LUZP2: variants seen among roughly 807,000 people sequenced by gnomAD.
The protein encoded by LUZP2 is leucine zipper protein 2.
Under a neutral mutation model 51.6 loss-of-function variants are expected in LUZP2, and 52 were observed. The ratio of observed to expected loss-of-function variants is 1.01; its 90% CI spans 0.81 to 1.27. The LOEUF (loss-of-function observed/expected upper bound fraction) is 1.27. Among genes scored for constraint, LUZP2 ranks in the 50% most tolerant of loss-of-function variants. LUZP2 has a pLI of 0.00. For missense variants in LUZP2, 436 were observed against 395.4 expected (o/e 1.10, Z -0.87); for synonymous variants, 154 against 137.3 (o/e 1.12, Z -0.85).
chr11:25,039,573 G>A lies in LUZP2; in HGVS notation c.766-10465G>A, dbSNP rs1439727150. On this transcript the variant is annotated intron_variant, in intron 9 of 11. Transcript: ENST00000336930. Reference sequence around the variant, plus strand: ...CTGCCGGAGCTGACCCATACTCAAAGGTACCCAAATCCATGTGTGCTGCAG... The same window carrying A: ...CTGCCGGAGCTGACCCATACTCAAAAGTACCCAAATCCATGTGTGCTGCAG... Among the ~76,000 whole-genome samples the A allele has an allele frequency of 2.6e-5, 4 of 152,240 alleles. No homozygotes were observed. The East Asian group carries it at 7.8e-4, about 30-fold the overall frequency.
intron 5 of LUZP2, among the ~76,000 whole-genome samples, chr11:24,870,287 A>G (rs542276885): frequency 2.0e-5 from 3 of 152,178 alleles, no homozygotes; most frequent in East Asian, 1.9e-4. Flanking sequence ...CAATCATACA[A>G]TTTTTGCCAG....
chr11:25,013,877 C>G (rs149445834), intron 9 of LUZP2, among the ~76,000 whole-genome samples: 1 of 151,954 alleles, frequency 6.6e-6, no homozygotes, highest in Admixed American at 6.6e-5. Context: ...TTAGGTATAT[C>G]TCCTAATGCT....
At chr11:24,921,218 G>A (rs1002022755) in intron 7 of LUZP2, among the ~76,000 whole-genome samples, 10 of 152,162 alleles carry the variant, frequency 6.6e-5, no homozygotes, top group South Asian at 2.1e-4. Context: ...AGGGAGGGGG[G>A]CTCGGAACAA....
intron 1 of LUZP2, among the ~76,000 whole-genome samples, chr11:24,533,666 A>G (rs993435345): frequency 6.0e-5 from 9 of 151,186 alleles, no homozygotes; most frequent in African/African-American, 1.9e-4. Flanking sequence ...TTATTCTCTT[A>G]GGGGCCTTTC....
chr11:24,609,729 CAAAAAAAAAA>C (rs34436907), intron 1 of LUZP2, among the ~76,000 whole-genome samples: 4 of 65,896 alleles, frequency 6.1e-5, no homozygotes, highest in Admixed American at 2.7e-4. Context: ...GACTCCAGCT[CAAAAAAAAAA>C]AAAAAAAAAA....
chr11:24,518,575 T>C (rs540934132), intron 1 of LUZP2, among the ~76,000 whole-genome samples: 1 of 152,222 alleles, frequency 6.6e-6, no homozygotes, highest in African/African-American at 2.4e-5. Context: ...AAATAGTTTT[T>C]AGAATGTTAA....
chr11:24,517,097 C>T (rs951564159), intron 1 of LUZP2, among the ~76,000 whole-genome samples: 2 of 152,000 alleles, frequency 1.3e-5, no homozygotes, highest in African/African-American at 2.4e-5. Context: ...TAAGTTGAAA[C>T]ATATGCATGA....
chr11:24,837,620 T>C (rs1388587669), intron 5 of LUZP2, among the ~76,000 whole-genome samples: 3 of 151,658 alleles, frequency 2.0e-5, no homozygotes, highest in African/African-American at 4.8e-5. Flanking sequence ...TTCTTTCACA[T>C]TGGATAGAAT....
intron 5 of LUZP2, among the ~76,000 whole-genome samples, chr11:24,836,601 G>A (rs1850866028): frequency 6.6e-6 from 1 of 151,746 alleles, no homozygotes; most frequent in Admixed American, 6.6e-5. Context: ...TTATCTCAAA[G>A]CTGCATAACT....
At chr11:24,513,748 A>G (rs7112207) in intron 1 of LUZP2, among the ~76,000 whole-genome samples, 13,808 of 152,244 alleles carry the variant, frequency 0.091, 917 homozygotes, top group African/African-American at 0.18. Context: ...TTAATACCAA[A>G]CAATCACTAA....
intron 1 of LUZP2, among the ~76,000 whole-genome samples, chr11:24,624,602 G>T (rs1332301180): frequency 6.6e-6 from 1 of 152,124 alleles, no homozygotes. Context: ...ATGGCGAGAG[G>T]TTATTATAGG....
chr11:24,926,409 G>A (rs1484369087), intron 7 of LUZP2, among the ~76,000 whole-genome samples: 2 of 120,676 alleles, frequency 1.7e-5, no homozygotes, highest in East Asian at 2.3e-4. Context: ...ATATATATAC[G>A]TGTGTATATA....
At chr11:24,839,201 A>G (rs1850950806) in intron 5 of LUZP2, among the ~76,000 whole-genome samples, 3 of 151,554 alleles carry the variant, frequency 2.0e-5, no homozygotes. Context: ...GTTGACCCCA[A>G]TTAGTCTAGG....
intron 1 of LUZP2, among the ~76,000 whole-genome samples, chr11:24,725,858 T>C (rs1858456252): frequency 6.6e-6 from 1 of 152,108 alleles, no homozygotes; most frequent in Non-Finnish European, 1.5e-5. Context: ...TGACTAGTGT[T>C]CTTATGTAAA....
chr11:24,700,770 G>A (rs575676346), intron 1 of LUZP2, among the ~76,000 whole-genome samples: 2 of 151,900 alleles, frequency 1.3e-5, no homozygotes, highest in Non-Finnish European at 2.9e-5. Context: ...ATTTGGTTGG[G>A]GTTCATTCTG....
At chr11:24,864,756 T>A (rs1396204357) in intron 5 of LUZP2, among the ~76,000 whole-genome samples, 1 of 152,210 alleles carries the variant, frequency 6.6e-6, no homozygotes, top group Non-Finnish European at 1.5e-5. Context: ...TGTGAATTGA[T>A]TTATGCTGCT....
intron 1 of LUZP2, among the ~76,000 whole-genome samples, chr11:24,500,131 G>A (rs1450592055): frequency 1.3e-5 from 2 of 151,278 alleles, no homozygotes; most frequent in Non-Finnish European, 2.9e-5. Context: ...GAACATCAAT[G>A]GCCCCCAATC....
intron 5 of LUZP2, among the ~76,000 whole-genome samples, chr11:24,775,265 T>C (rs1282443039): frequency 1.3e-5 from 2 of 152,170 alleles, no homozygotes; most frequent in East Asian, 3.8e-4. Context: ...CAAGTCCTCT[T>C]GTAGGTGAAG....
chr11:24,880,125 A>G (rs912946055), intron 5 of LUZP2, among the ~76,000 whole-genome samples: 1 of 152,138 alleles, frequency 6.6e-6, no homozygotes, highest in African/African-American at 2.4e-5. Flanking sequence ...CCAAAACTCA[A>G]GGTTGGATTG....
Sources: gnomAD v4.1 joint callset for allele counts (sites outside exome capture counted in the v4.1 genomes callset) on GRCh38, gnomAD v4.1.1 for gene constraint, MANE v1.5 for transcripts, NCBI Gene and HGNC (gene_info 2026-07-23, HGNC 2026-07-21) for gene names.